RHOA: variants seen among roughly 807,000 people sequenced by gnomAD.
The protein encoded by RHOA is ras homolog family member A, also known as transforming protein RhoA.
RHOA carries 3 observed loss-of-function variants against 17.5 expected under a neutral mutation model. The ratio of observed to expected loss-of-function variants is 0.17; its 90% confidence interval spans 0.08 to 0.44. The LOEUF (loss-of-function observed/expected upper bound fraction) is 0.44, where lower values mean the gene tolerates loss of function less well. Ranked by LOEUF, RHOA falls within the 20% of genes least tolerant of loss-of-function variation. The pLI, the probability that RHOA is intolerant of heterozygous loss-of-function variation, is 0.99. For missense variants in RHOA, 56 were observed against 242.3 expected (o/e 0.23, Z 5.10); for synonymous variants, 98 against 88.4 (o/e 1.11, Z -0.61).
chr3:49,368,219 G>A (rs1335142949), intron 3 of RHOA, among the ~76,000 whole-genome samples: 4 of 152,026 alleles, frequency 2.6e-5, no homozygotes, highest in Non-Finnish European at 5.9e-5. Context: ...TGCCTAGGTG[G>A]ATACATTTTA....
chr3:49,379,819 A>G (rs749736726), intron 1 of RHOA, among the ~76,000 whole-genome samples: 14 of 152,188 alleles, frequency 9.2e-5, no homozygotes, highest in Non-Finnish European at 2.1e-4. Flanking sequence ...CCCAGCCCAC[A>G]GTATATATAA....
chr3:49,365,555 A>C (rs1368646006), intron 3 of RHOA, among the ~76,000 whole-genome samples: 1 of 150,982 alleles, frequency 6.6e-6, no homozygotes, highest in Non-Finnish European at 1.5e-5. Context: ...GAATAAATTG[A>C]CTGTCGCCAC....
At chr3:49,366,370 A>G (rs999574185) in intron 3 of RHOA, among the ~76,000 whole-genome samples, 3 of 152,200 alleles carry the variant, frequency 2.0e-5, no homozygotes, top group African/African-American at 7.2e-5. Context: ...TGGGAGGCCA[A>G]GGTGAGTGGA....
At chr3:49,367,744 A>C (rs150704788) in intron 3 of RHOA, among the ~76,000 whole-genome samples, 2 of 151,774 alleles carry the variant, frequency 1.3e-5, no homozygotes, top group African/African-American at 4.8e-5. Flanking sequence ...CTGGTCTCAA[A>C]CTCCTGACCT....
intron 2 of RHOA, among the ~76,000 whole-genome samples, chr3:49,374,580 G>A (rs1292339210): frequency 6.6e-6 from 1 of 151,984 alleles, no homozygotes; most frequent in Non-Finnish European, 1.5e-5. Flanking sequence ...AGCCAGGCAT[G>A]GCGGCGTGCG....
intron 3 of RHOA, among the ~76,000 whole-genome samples, chr3:49,362,949 G>A (rs775727845): frequency 1.3e-5 from 2 of 152,174 alleles, no homozygotes; most frequent in Non-Finnish European, 2.9e-5. Context: ...CACAAAGGCA[G>A]GCACTTTACA....
At chr3:49,369,417 C>T (rs1411519704) in intron 2 of RHOA, among the ~76,000 whole-genome samples, 1 of 151,928 alleles carries the variant, frequency 6.6e-6, no homozygotes, top group Non-Finnish European at 1.5e-5. Context: ...GAGAACCCAC[C>T]TCTACAAAAA....
chr3:49,369,004 G>GC (rs2048104644), intron 2 of RHOA, among the ~76,000 whole-genome samples: 2 of 106,870 alleles, frequency 1.9e-5, no homozygotes, highest in African/African-American at 4.0e-5. Flanking sequence ...ACCGCGCCTG[G>GC]CCTTTTTTTT....
At chr3:49,409,477 G>A (rs1463659847) in intron 1 of RHOA, among the ~76,000 whole-genome samples, 2 of 152,136 alleles carry the variant, frequency 1.3e-5, no homozygotes, top group African/African-American at 2.4e-5. Context: ...ATAATCACTA[G>A]TAACCACAAT....
chr3:49,397,316 T>C (rs1291670851), intron 1 of RHOA, among the ~76,000 whole-genome samples: 1 of 151,908 alleles, frequency 6.6e-6, no homozygotes, highest in Non-Finnish European at 1.5e-5. Context: ...GGCGTGGTGA[T>C]AGGGAGATTG....
chr3:49,376,879 A>G (rs2107852907), intron 1 of RHOA, among the ~76,000 whole-genome samples: 1 of 152,186 alleles, frequency 6.6e-6, no homozygotes, highest in East Asian at 1.9e-4. Context: ...CTATAATCCC[A>G]GCATTTTGGG....
intron 1 of RHOA, among the ~76,000 whole-genome samples, chr3:49,383,758 G>C (rs1330725583): frequency 6.6e-6 from 1 of 152,144 alleles, no homozygotes; most frequent in East Asian, 1.9e-4. Flanking sequence ...AGCCAGGCAC[G>C]GTGGCTCACG....
intron 4 of RHOA, 64 bp from the exon 5 acceptor site, chr3:49,360,446 G>A (rs1575638733): frequency 6.8e-7 from 1 of 1,480,482 alleles, no homozygotes; most frequent in East Asian, 2.4e-5. Context: ...TAAGTAAAAA[G>A]TATTCAAATT....
intron 2 of RHOA, among the ~76,000 whole-genome samples, chr3:49,372,466 C>T (rs1304088567): frequency 4.6e-5 from 7 of 152,156 alleles, no homozygotes; most frequent in African/African-American, 7.2e-5. Context: ...ATAGGACGGG[C>T]GCAGTGGCTC....
chr3:49,363,444 A>C (rs2048004631), intron 3 of RHOA, among the ~76,000 whole-genome samples: 1 of 152,108 alleles, frequency 6.6e-6, no homozygotes, highest in Admixed American at 6.6e-5. Context: ...TTTGAAAATA[A>C]CCAAAAGAGG....
intron 1 of RHOA, among the ~76,000 whole-genome samples, chr3:49,388,559 A>G (rs2048440426): frequency 6.6e-6 from 1 of 152,170 alleles, no homozygotes; most frequent in African/African-American, 2.4e-5. Flanking sequence ...ATGCTTCAGT[A>G]GGTAAATTAA....
chr3:49,408,179 T>TAC (rs2048867913), intron 1 of RHOA, among the ~76,000 whole-genome samples: 4 of 133,840 alleles, frequency 3.0e-5, no homozygotes, highest in African/African-American at 1.1e-4. Flanking sequence ...AAAAAAAAAA[T>TAC]ATATATATAT....
Position 49,409,862 on chromosome 3 carries a change from G to A in RHOA, c.-3+1958C>T, listed in dbSNP as rs79650774. Among the ~76,000 whole-genome samples the A allele has an allele frequency of 8.9e-3, 1,358 of 152,236 alleles. 20 individuals are homozygous for A. Among genetic ancestry groups the A allele is most frequent in the African/African-American group, 0.032 (1,320 of 41,538 alleles). ...GTACCCCAAATCAACAGTCAAAAGT[G>A]CCCACAGTTAACTAAAAATATCTTA... On this transcript the variant is annotated intron_variant, in intron 1 of 4. Coordinates refer to ENST00000418115, the MANE Select transcript of RHOA (RefSeq NM_001664.4).
At chr3:49,371,885 C>T (rs936021735) in intron 2 of RHOA, among the ~76,000 whole-genome samples, 1 of 152,110 alleles carries the variant, frequency 6.6e-6, no homozygotes, top group Non-Finnish European at 1.5e-5. Flanking sequence ...ATAATGTTTC[C>T]AAGAGAACCA....
Sources: allele counts gnomAD v4.1 joint callset (sites outside exome capture counted in the v4.1 genomes callset), GRCh38; gene constraint gnomAD v4.1.1; transcripts MANE v1.5; gene names NCBI Gene and HGNC (gene_info 2026-07-23, HGNC 2026-07-21).